SEZ6L: variants seen among roughly 807,000 people sequenced by gnomAD.
SEZ6L encodes seizure related 6 homolog like.
A neutral mutation model predicts 106.2 loss-of-function variants in SEZ6L; 37 were observed. The observed-to-expected ratio is 0.35, with a 90% CI of 0.27 to 0.46. SEZ6L has a LOEUF of 0.46. Among genes scored for constraint, SEZ6L ranks in the 20% least tolerant of loss-of-function variants. SEZ6L has a pLI of 1.00. For synonymous variants in SEZ6L, 541 were observed against 570.4 expected, an observed-to-expected ratio of 0.95 and a Z score of 0.73; for missense variants, 1,172 against 1,332.8, an observed-to-expected ratio of 0.88 and a Z score of 1.88.
At chr22:26,330,895 A>G (rs1255416204) in intron 9 of SEZ6L, among the ~76,000 whole-genome samples, 1 of 152,260 alleles carries the variant, frequency 6.6e-6, no homozygotes, top group East Asian at 1.9e-4. Flanking sequence ...TAAACATTAG[A>G]CATTTCAAAG....
At chr22:26,365,850 G>T (rs866908814) in intron 13 of SEZ6L, among the ~76,000 whole-genome samples, 2 of 151,962 alleles carry the variant, frequency 1.3e-5, no homozygotes, top group African/African-American at 4.8e-5. Context: ...CTCCAGCCCG[G>T]ACAGAACGAG....
Position 26,292,709 on chromosome 22 carries a change from G to A in SEZ6L, c.398G>A (p.Arg133Lys). The A allele has an allele frequency of 6.2e-7, 1 of 1,613,736 alleles. No homozygotes were observed. Among genetic ancestry groups the A allele is most frequent in the South Asian group, 1.1e-5 (1 of 91,076 alleles). ...GTGAACTCTGCCAGGAAGCAGCTGA[G>A]GCCCAAGGCCACCTCCGCAGCCACT... The part of the protein sequence containing the change: ...KQVNSARKQL[R>K]PKATSAATVQ... The change falls in exon 2 of 17, where the codon AGG becomes AAG. Residue 133 changes from arginine (R) to lysine (K), a missense_variant. Coordinates refer to ENST00000248933, the MANE Select transcript of SEZ6L (RefSeq NM_021115.5).
At chr22:26,171,937 A>C (rs1402888495) in intron 1 of SEZ6L, among the ~76,000 whole-genome samples, 1 of 152,026 alleles carries the variant, frequency 6.6e-6, no homozygotes, top group Non-Finnish European at 1.5e-5. Flanking sequence ...CGTTGTTGCG[A>C]ACTAGTTCTT....
At chr22:26,175,814 A>G (rs562003258) in intron 1 of SEZ6L, among the ~76,000 whole-genome samples, 1 of 152,362 alleles carries the variant, frequency 6.6e-6, no homozygotes, top group South Asian at 2.1e-4. Context: ...CCTATCTATG[A>G]GTCTCAATTT....
At chr22:26,206,812 A>G (rs369745114) in intron 1 of SEZ6L, among the ~76,000 whole-genome samples, 1 of 152,226 alleles carries the variant, frequency 6.6e-6, no homozygotes, top group African/African-American at 2.4e-5. Context: ...AGAAAGTTAG[A>G]TGAACTCAGA....
At chr22:26,325,090 C>A (rs1003306066) in intron 9 of SEZ6L, among the ~76,000 whole-genome samples, 3 of 152,174 alleles carry the variant, frequency 2.0e-5, no homozygotes, top group Admixed American at 1.3e-4. Flanking sequence ...CCTCCAATTG[C>A]TAGCTTGGGC....
At chr22:26,379,429 G>A (rs1601666764) in intron 16 of SEZ6L, among the ~76,000 whole-genome samples, 2 of 152,364 alleles carry the variant, frequency 1.3e-5, no homozygotes, top group East Asian at 3.9e-4. Context: ...GGATCATGGG[G>A]ACCACCTTGG....
At chr22:26,301,004 C>T (rs7284428) in intron 5 of SEZ6L, among the ~76,000 whole-genome samples, 12,067 of 152,250 alleles carry the variant, frequency 0.079, 577 homozygotes, top group Middle Eastern at 0.12. Flanking sequence ...TTCTTGTGCT[C>T]TGAGTGTAAC....
chr22:26,244,593 G>A (rs757421996), intron 1 of SEZ6L: 2 of 152,208 alleles, frequency 1.3e-5, no homozygotes, highest in Non-Finnish European at 2.9e-5. Context: ...GGAAGAATTT[G>A]GCAGGAGTTG....
intron 1 of SEZ6L, among the ~76,000 whole-genome samples, chr22:26,196,422 A>G (rs544938289): frequency 6.6e-6 from 1 of 152,108 alleles, no homozygotes; most frequent in South Asian, 2.1e-4. Flanking sequence ...CAATGATCTC[A>G]CTCTGTCTGA....
At chr22:26,269,127 T>G (rs1449411446) in intron 1 of SEZ6L, among the ~76,000 whole-genome samples, 1 of 152,182 alleles carries the variant, frequency 6.6e-6, no homozygotes, top group Non-Finnish European at 1.5e-5. Context: ...ATGGCATGGT[T>G]GGGGGATATT....
Position 26,296,913 on chromosome 22 carries a change from G to C in SEZ6L, c.995G>C (p.Gly332Ala), listed in dbSNP as rs771797089. Residue 332 changes from glycine to alanine, a missense_variant, in exon 4 of 17, where the codon GGG becomes GCG. Transcript: ENST00000248933. ...LQVKSVNLSDGELLSIRGVDG... is the reference protein window; with the variant it reads ...LQVKSVNLSDAELLSIRGVDG... ...GTGAAGAGTGTGAACCTGTCCGATG[G>C]GGAACTGCTCTCCATCCGCGGGGTG... 6 of 1,611,206 alleles carry C rather than the reference G, an allele frequency of 3.7e-6. No homozygotes were observed. The highest frequency in any genetic ancestry group is 3.4e-6 in the Non-Finnish European group (4 of 1,178,590).
Position 26,347,787 on chromosome 22 carries a change from A to G in SEZ6L, c.2281A>G (p.Thr761Ala), listed in dbSNP as rs2083058918. The G allele has an allele frequency of 1.2e-6, 2 of 1,609,596 alleles. No homozygotes were observed. Among genetic ancestry groups the G allele is most frequent in the Non-Finnish European group, 1.7e-6 (2 of 1,178,462 alleles). Reference protein sequence around the residue: ...IQNGWKTTSHTELVRGARITY... With the variant: ...IQNGWKTTSHAELVRGARITY... ...GAATGGCTGGAAAACCACTTCTCAC[A>G]CGGAGTTGGTGCGGGGAGCCAGAAT... Residue 761 changes from threonine to alanine, a missense_variant, in exon 11 of 17, where the codon ACG (threonine) becomes GCG (alanine). Physicochemically the swap from Thr to Ala is moderately conservative, Grantham distance 58 (BLOSUM62 0). Around this residue, in one of 4 missense-constraint regions of SEZ6L, gnomAD observed 534 missense variants for 691.0 expected, o/e 0.77. Coordinates refer to ENST00000248933, the MANE Select transcript of SEZ6L (RefSeq NM_021115.5).
At chr22:26,299,486 A>G (rs766786556) in intron 5 of SEZ6L, among the ~76,000 whole-genome samples, 1 of 151,648 alleles carries the variant, frequency 6.6e-6, no homozygotes, top group Non-Finnish European at 1.5e-5. Context: ...CCTCCTCCCC[A>G]CACTCGCTGG....
At chr22:26,196,402 C>G (rs141052109) in intron 1 of SEZ6L, among the ~76,000 whole-genome samples, 1 of 152,170 alleles carries the variant, frequency 6.6e-6, no homozygotes, top group South Asian at 2.1e-4. Flanking sequence ...AGTGCAAGAA[C>G]GCCCTAATAC....
At chr22:26,266,582 TAAATAAATAAATAAATAAATAAATAA>T (rs2080195564) in intron 1 of SEZ6L, among the ~76,000 whole-genome samples, 1 of 43,090 alleles carries the variant, frequency 2.3e-5, no homozygotes, top group African/African-American at 1.5e-4. Context: ...CAAAAATAAA[TAAATAAATAAATAAATAAATAAATAA>T]ATAAATAAAT....
chr22:26,290,673 C>G (rs1439181214), intron 1 of SEZ6L, among the ~76,000 whole-genome samples: 1 of 152,234 alleles, frequency 6.6e-6, no homozygotes, highest in Non-Finnish European at 1.5e-5. Context: ...AGATCCGTCT[C>G]AAGAAAAAAC....
intron 4 of SEZ6L, 125 bp from the exon 5 acceptor site, chr22:26,298,859 G>C: frequency 1.3e-6 from 1 of 762,704 alleles, no homozygotes; most frequent in Non-Finnish European, 1.9e-6. Flanking sequence ...CCATTCTCCA[G>C]AGCTCTGGAG....
At chr22:26,341,466 C>G (rs2082834591) in intron 10 of SEZ6L, among the ~76,000 whole-genome samples, 1 of 152,136 alleles carries the variant, frequency 6.6e-6, no homozygotes, top group African/African-American at 2.4e-5. Flanking sequence ...TGGACTGTAT[C>G]CTCTCTTCCA....
Sources: allele counts gnomAD v4.1 joint callset (sites outside exome capture counted in the v4.1 genomes callset), GRCh38; gene constraint gnomAD v4.1.1; regional missense constraint gnomAD v4.1.1; transcripts MANE v1.5; gene names NCBI Gene and HGNC (gene_info 2026-07-23, HGNC 2026-07-21).